Variants in CHAT observed in about 807,000 individuals in gnomAD.
CHAT encodes the protein choline O-acetyltransferase, also known as acetyl CoA:choline O-acetyltransferase.
CHAT carries 61 observed loss-of-function variants against 76.9 expected under a neutral mutation model. The ratio of observed to expected loss-of-function variants is 0.79; its 90% CI spans 0.65 to 0.98. The LOEUF is 0.98. CHAT is among the 50% of genes least tolerant of loss of function. The pLI is 0.00. For missense variants in CHAT, 946 were observed against 986.9 expected (o/e 0.96, Z 0.56); for synonymous variants, 407 against 397.4 (o/e 1.02, Z -0.29).
rs1838476841 is a variant in CHAT, at chr10:49,615,991, A to T, written c.287-511A>T. 3 of 1,583,642 alleles carry T rather than the reference A, an allele frequency of 1.9e-6. No individual in the cohort carries two copies. The East Asian group carries it at 6.7e-5, about 35-fold the overall frequency. On this transcript the variant is annotated intron_variant, in intron 1 of 14. Transcript: ENST00000337653. ...GGGCCTTAAAGGCCTCCATTCACCC[A>T]CGCATGCATTCCTTTCCCTCCACCA...
intron 5 of CHAT, among the ~76,000 whole-genome samples, chr10:49,622,912 A>G (rs1048110007): frequency 6.6e-6 from 1 of 152,164 alleles, no homozygotes; most frequent in Non-Finnish European, 1.5e-5. Context: ...ACTTGACTCA[A>G]TTCAGTCTTT....
intron 8 of CHAT, 46 bp downstream of exon 8, chr10:49,646,720 CGAGA>C (rs780354638): frequency 1.2e-6 from 2 of 1,602,350 alleles, no homozygotes; most frequent in Non-Finnish European, 1.7e-6. Flanking sequence ...ATGCCCCCAG[CGAGA>C]GAGTGAGTAG....
chr10:49,661,033 G>A (rs983760881), intron 13 of CHAT, among the ~76,000 whole-genome samples: 2 of 152,158 alleles, frequency 1.3e-5, no homozygotes, highest in African/African-American at 2.4e-5. Flanking sequence ...CATGGTTGAT[G>A]AAATCTGTCC....
intron 10 of CHAT, 91 bp from the exon 11 acceptor site, chr10:49,651,793 C>A: frequency 1.5e-6 from 2 of 1,371,370 alleles, no homozygotes; most frequent in Non-Finnish European, 1.0e-6. Flanking sequence ...AACGCTAGGA[C>A]ACAGACCAGG....
At chr10:49,649,724 C>T (rs1839808678) in intron 10 of CHAT, 88 bp downstream of exon 10, 4 of 1,450,438 alleles carry the variant, frequency 2.8e-6, no homozygotes, top group Admixed American at 3.4e-5. Context: ...TGGAAGTTTC[C>T]AAAGACCCCA....
intron 10 of CHAT, among the ~76,000 whole-genome samples, chr10:49,650,059 GC>G: frequency 6.6e-6 from 1 of 152,222 alleles, no homozygotes; most frequent in South Asian, 2.1e-4. Flanking sequence ...AGGGGAGGGG[GC>G]CGTTCAGGCC....
chr10:49,656,513 G>T (rs1564494558), intron 13 of CHAT, among the ~76,000 whole-genome samples: 1 of 152,134 alleles, frequency 6.6e-6, no homozygotes, highest in Non-Finnish European at 1.5e-5. Context: ...GGAAAGCCAG[G>T]AAGAATTCCC....
intron 10 of CHAT, among the ~76,000 whole-genome samples, chr10:49,651,164 C>G (rs1839863386): frequency 6.6e-6 from 1 of 151,970 alleles, no homozygotes; most frequent in South Asian, 2.1e-4. Flanking sequence ...ATAGTGAGCT[C>G]AGTCTGTCCC....
At chr10:49,610,055 C>T (rs1030738791), upstream of CHAT, among the ~76,000 whole-genome samples, 8 of 151,602 alleles carry the variant, frequency 5.3e-5, no homozygotes, top group African/African-American at 1.7e-4. Flanking sequence ...GGCAGAGGGC[C>T]AGCTACCGGC....
chr10:49,651,800 C>A (rs535897201), intron 10 of CHAT, 84 bp from the exon 11 acceptor site: 27 of 1,424,134 alleles, frequency 1.9e-5, no homozygotes, highest in Non-Finnish European at 2.6e-5. Flanking sequence ...GGACACAGAC[C>A]AGGCTCTAGA....
chr10:49,613,814 G>C (rs903192450), upstream of CHAT, among the ~76,000 whole-genome samples: 1 of 152,298 alleles, frequency 6.6e-6, no homozygotes, highest in South Asian at 2.1e-4. Flanking sequence ...GTGCCAGCAG[G>C]AATGGGATGG....
At chr10:49,624,766 T>C (rs1028827915) in intron 5 of CHAT, among the ~76,000 whole-genome samples, 80 of 151,034 alleles carry the variant, frequency 5.3e-4, no homozygotes, top group Non-Finnish European at 9.7e-4. Context: ...GAAAGATGGA[T>C]GGATGGTGGA....
chr10:49,625,730 G>C, intron 6 of CHAT, 77 bp downstream of exon 6: 1 of 1,444,890 alleles, frequency 6.9e-7, no homozygotes, highest in East Asian at 2.5e-5. Context: ...TACCTTCTCC[G>C]AGGGGGCTCA....
chr10:49,651,914 T>C lies in CHAT; in HGVS notation c.1542T>C (p.Tyr514=). ...RIVKNLDFIV[Y]KFDNYGKTFI... ...TAAAGAACCTTGACTTCATTGTCTA[T>C]AAGTTTGACAACTATGGGAAAACAT... The change falls in exon 11 of 15, where the codon TAT becomes TAC. Residue 514 remains tyrosine, a synonymous_variant. Transcript: ENST00000337653. The C allele has an allele frequency of 1.2e-6, 2 of 1,614,100 alleles. No individual in the cohort carries two copies. Among genetic ancestry groups the C allele is most frequent in the Non-Finnish European group, 1.7e-6 (2 of 1,179,902 alleles).
At chr10:49,660,310 G>A (rs555091032) in intron 13 of CHAT, among the ~76,000 whole-genome samples, 30 of 152,090 alleles carry the variant, frequency 2.0e-4, no homozygotes, top group Middle Eastern at 3.4e-3. Context: ...GTGTGGTGGC[G>A]GGGTGCCCGT....
chr10:49,654,647 G>A (rs914938882), intron 11 of CHAT, among the ~76,000 whole-genome samples: 1 of 152,210 alleles, frequency 6.6e-6, no homozygotes, highest in East Asian at 1.9e-4. Context: ...AGCCGTTTAC[G>A]CTTACCACCA....
chr10:49,625,639 G>T lies in CHAT; in HGVS notation c.919G>T (p.Ala307Ser), dbSNP rs776785129. Residue 307 changes from alanine to serine, a missense_variant, in exon 6 of 15, where the codon GCC (alanine) becomes TCC (serine). Transcript: ENST00000337653. ...IMPEPEHVIV[A>S]CCNQFFVLDV... ...GCCGGAGCCTGAGCACGTCATCGTA[G>T]CCTGCTGCAATCAGGTAAGCAACCC... 2 of 1,573,196 alleles carry T rather than the reference G, an allele frequency of 1.3e-6. No homozygotes were observed. Among genetic ancestry groups the T allele is most frequent in the East Asian group, 2.3e-5 (1 of 42,960 alleles).
intron 7 of CHAT, among the ~76,000 whole-genome samples, chr10:49,639,138 G>C (rs1466914952): frequency 6.6e-6 from 1 of 152,170 alleles, no homozygotes; most frequent in Admixed American, 6.5e-5. Context: ...AGGAGGCTGA[G>C]GCAGAGAATT....
Position 49,621,721 on chromosome 10 carries a change from C to A in CHAT, c.699-376C>A, listed in dbSNP as rs1443066305. 2.6e-4 allele frequency among the ~76,000 whole-genome samples: 39 copies of A among 152,140 alleles called. 1 individual carries two copies. Among genetic ancestry groups the A allele is most frequent in the Admixed American group, 2.6e-3 (39 of 15,278 alleles). ...CTGTGGCCTCTCCTAGCTTCCGTCT[C>A]CCTCTCTGCTCCCTCTCCTCTTCAA... On this transcript the variant is annotated intron_variant, in intron 4 of 14. Transcript: ENST00000337653.
Sources: gnomAD v4.1 joint callset for allele counts (sites outside exome capture counted in the v4.1 genomes callset) on GRCh38, gnomAD v4.1.1 for gene constraint, MANE v1.5 for transcripts, NCBI Gene and HGNC (gene_info 2026-07-23, HGNC 2026-07-21) for gene names.